Variants in GTF2E1 observed in about 807,000 individuals in gnomAD.
GTF2E1 encodes TFIIE alpha subunit.
In GTF2E1, 14 loss-of-function variants were observed where a neutral mutation model predicts 34.9. The observed-to-expected ratio is 0.40, with a 90% CI of 0.27 to 0.63. The LOEUF (loss-of-function observed/expected upper bound fraction) is 0.63, where lower values mean the gene tolerates loss of function less well. Among genes scored for constraint, GTF2E1 ranks in the 20% least tolerant of loss-of-function variants. The pLI is 0.39. For synonymous variants in GTF2E1, 188 were observed against 192.9 expected, an observed-to-expected ratio of 0.97 and a Z score of 0.21; for missense variants, 469 against 557.7, an observed-to-expected ratio of 0.84 and a Z score of 1.60.
Position 120,772,184 on chromosome 3 carries a change from G to T in GTF2E1, c.650+1255G>T, listed in dbSNP as rs112346056. 5.7e-3 allele frequency among the ~76,000 whole-genome samples: 864 copies of T among 152,206 alleles called. 12 individuals carry two copies. Among genetic ancestry groups the T allele is most frequent in the African/African-American group, 0.02 (832 of 41,538 alleles). On this transcript the variant is annotated intron_variant, in intron 3 of 4. Coordinates refer to ENST00000283875, the MANE Select transcript of GTF2E1 (RefSeq NM_005513.3). ...TGTCCTATTTTAAAACTGAAGAAAGGTTTCCCAGAGGGCTCCCTAGGATAC... is the reference window on the plus strand; with the variant it reads ...TGTCCTATTTTAAAACTGAAGAAAGTTTTCCCAGAGGGCTCCCTAGGATAC...
chr3:120,781,981 T>A lies in GTF2E1; in HGVS notation c.*511T>A, dbSNP rs1200138800. On this transcript the variant is annotated 3_prime_UTR_variant, in exon 5 of 5. Transcript: ENST00000283875. ...CACCCGCCTCGGCCTCCCAAAGTGC[T>A]GTATTTTCTTATCTGATTTTTTTCT... The A allele has an allele frequency of 3.3e-5, 5 of 153,684 alleles. No homozygotes were observed. Among genetic ancestry groups the A allele is most frequent in the Admixed American group, 3.2e-4 (5 of 15,598 alleles). 9.5% of individuals were successfully genotyped at this position (153,684 alleles called of 1,614,324 possible). A position where few individuals can be genotyped will look rare whatever the true frequency, so the allele number is the denominator to read the frequency against.
intron 1 of GTF2E1, among the ~76,000 whole-genome samples, chr3:120,743,750 C>T (rs1709079049): frequency 6.6e-6 from 1 of 152,132 alleles, no homozygotes; most frequent in Admixed American, 6.5e-5. Flanking sequence ...TGTGCAAAGC[C>T]TTGGGATGCA....
At position 120,776,674 on chromosome 3, in the gene GTF2E1, G is replaced by C; in HGVS notation, c.892+10G>C. 4 of 1,608,556 alleles carry C rather than the reference G, an allele frequency of 2.5e-6. No homozygotes were observed. The highest frequency in any genetic ancestry group is 3.4e-6 in the Non-Finnish European group (4 of 1,177,820). On this transcript the variant is annotated intron_variant, in intron 4 of 4. Coordinates refer to ENST00000283875, the MANE Select transcript of GTF2E1 (RefSeq NM_005513.3). ...GAAGATATGAAAGAAGGTAAGAGTA[G>C]AAGTCAGTAAAATGGATGTGTCTTA... is the stretch of plus-strand genomic sequence containing the variant.
chr3:120,756,457 G>GT, intron 2 of GTF2E1, among the ~76,000 whole-genome samples: 1 of 150,514 alleles, frequency 6.6e-6, no homozygotes. Flanking sequence ...GGATTGGGGA[G>GT]TGGGGGGAGT....
At chr3:120,752,931 T>C (rs539021253) in intron 2 of GTF2E1, among the ~76,000 whole-genome samples, 9 of 152,296 alleles carry the variant, frequency 5.9e-5, no homozygotes, top group African/African-American at 1.9e-4. Context: ...TTGGCAGTTA[T>C]GTCCTACAGT....
rs1267531333 is a variant in GTF2E1, at chr3:120,782,110, C to G, written c.*640C>G. 6.6e-6 allele frequency: 1 copy of G among 152,180 alleles called. No individual in the cohort carries two copies. Among genetic ancestry groups the G allele is most frequent in the South Asian group, 2.1e-4 (1 of 4,836 alleles). 9.4% of individuals were successfully genotyped at this position (152,180 alleles called of 1,614,324 possible). ...TTTACTACAATAGGTTACAATAATT[C>G]ACTGATCACATCCATTTTATCTGTT... On this transcript the variant is annotated 3_prime_UTR_variant, in exon 5 of 5. Coordinates refer to ENST00000283875, the MANE Select transcript of GTF2E1 (RefSeq NM_005513.3).
intron 3 of GTF2E1, among the ~76,000 whole-genome samples, chr3:120,775,860 A>T (rs1709394382): frequency 6.6e-6 from 1 of 152,196 alleles, no homozygotes; most frequent in Admixed American, 6.5e-5. Flanking sequence ...GCAGAGGGTT[A>T]TACCTTACTG....
chr3:120,753,450 G>A (rs1440067038), intron 2 of GTF2E1, among the ~76,000 whole-genome samples: 1 of 152,176 alleles, frequency 6.6e-6, no homozygotes, highest in Non-Finnish European at 1.5e-5. Flanking sequence ...AGTGATGGAA[G>A]TATTTAATGG....
chr3:120,751,805 T>C (rs1709166892), intron 2 of GTF2E1, among the ~76,000 whole-genome samples: 1 of 152,160 alleles, frequency 6.6e-6, no homozygotes, highest in African/African-American at 2.4e-5. Context: ...ATAGAAGGAC[T>C]CAGTGCTATT....
At chr3:120,754,040 A>G (rs1709188291) in intron 2 of GTF2E1, among the ~76,000 whole-genome samples, 1 of 152,214 alleles carries the variant, frequency 6.6e-6, no homozygotes, top group Admixed American at 6.5e-5. Flanking sequence ...CTTGTGTTTC[A>G]TAAATGCATG....
Position 120,770,725 on chromosome 3 carries a change from T to C in GTF2E1, c.449-3T>C. On this transcript the variant is annotated splice_region_variant and splice_polypyrimidine_tract_variant and intron_variant, in intron 2 of 4. Transcript: ENST00000283875. ...TGACCTGAGATACTTGTTTTCTCTG[T>C]AGGAACTTTCCGCTGTACTTTTTGC... is the stretch of plus-strand genomic sequence containing the variant. The C allele has an allele frequency of 6.2e-7, 1 of 1,611,238 alleles. No individual in the cohort carries two copies. The highest frequency in any genetic ancestry group is 1.7e-4 in the Middle Eastern group (1 of 6,048).
chr3:120,780,268 TG>T (rs1182553394), intron 4 of GTF2E1, among the ~76,000 whole-genome samples: 2 of 152,172 alleles, frequency 1.3e-5, no homozygotes, highest in African/African-American at 2.4e-5. Flanking sequence ...AGACAATAGA[TG>T]TAAGTTATTC....
intron 1 of GTF2E1, among the ~76,000 whole-genome samples, chr3:120,748,404 A>C (rs1709128412): frequency 6.6e-6 from 1 of 152,096 alleles, no homozygotes; most frequent in Non-Finnish European, 1.5e-5. Context: ...TAAGTCTTTA[A>C]CCCGTCTTGA....
chr3:120,750,611 A>G lies in GTF2E1; in HGVS notation c.59A>G (p.Tyr20Cys), dbSNP rs755826778. The change falls in exon 2 of 5, where the codon TAT (tyrosine) becomes TGT (cysteine). Residue 20 changes from tyrosine (Y) to cysteine (C), a missense_variant. Physicochemically the swap from Tyr to Cys is radical, Grantham distance 194. Coordinates refer to ENST00000283875, the MANE Select transcript of GTF2E1 (RefSeq NM_005513.3). ...VPAALKRLAK[Y>C]VIRGFYGIEH... Reference sequence around the variant, plus strand: ...GCAGCATTGAAGCGGTTAGCCAAGTATGTGATCCGGGGATTTTATGGCATT... The same window carrying G: ...GCAGCATTGAAGCGGTTAGCCAAGTGTGTGATCCGGGGATTTTATGGCATT... 5 of 1,613,920 alleles carry G rather than the reference A, an allele frequency of 3.1e-6. No individual in the cohort carries two copies. Among genetic ancestry groups the G allele is most frequent in the Non-Finnish European group, 4.2e-6 (5 of 1,179,944 alleles).
intron 1 of GTF2E1, among the ~76,000 whole-genome samples, chr3:120,749,418 G>A (rs900383922): frequency 8.5e-5 from 13 of 152,130 alleles, no homozygotes; most frequent in Non-Finnish European, 1.6e-4. Context: ...ATTATTTTGA[G>A]ATACGTCCCA....
Position 120,770,742 on chromosome 3 carries a change from ACTTTTTGC to A in GTF2E1, c.465_472del (p.Phe156TyrfsTer7), listed in dbSNP as rs1349158118. 1.2e-6 allele frequency: 2 copies of A among 1,613,054 alleles called. No individual in the cohort carries two copies. The highest frequency in any genetic ancestry group is 1.3e-5 in the African/African-American group (1 of 74,876). On this transcript the variant is annotated frameshift_variant, in exon 3 of 5. Coordinates refer to ENST00000283875, the MANE Select transcript of GTF2E1 (RefSeq NM_005513.3). LOFTEE classifies it high-confidence loss of function. ...TTTCTCTGTAGGAACTTTCCGCTGT[ACTTTTTGC>A]CATACAGAGGTAGAAGAGGATGAAT...
intron 1 of GTF2E1, among the ~76,000 whole-genome samples, chr3:120,748,591 T>G (rs1709131168): frequency 6.6e-6 from 1 of 152,170 alleles, no homozygotes. Context: ...GAGGGCTCTG[T>G]TGTGTTCCAT....
intron 2 of GTF2E1, among the ~76,000 whole-genome samples, chr3:120,754,298 A>C (rs1709190339): frequency 6.6e-6 from 1 of 152,178 alleles, no homozygotes; most frequent in African/African-American, 2.4e-5. Flanking sequence ...TGCCAGAGAC[A>C]AATTTGAAGA....
intron 2 of GTF2E1, among the ~76,000 whole-genome samples, chr3:120,755,418 G>T (rs1709200010): frequency 6.6e-6 from 1 of 151,962 alleles, no homozygotes; most frequent in African/African-American, 2.4e-5. Context: ...GCCTTCATAG[G>T]GCAGGCTGCT....
Sources: allele counts gnomAD v4.1 joint callset (sites outside exome capture counted in the v4.1 genomes callset), GRCh38; gene constraint gnomAD v4.1.1; transcripts MANE v1.5; gene names NCBI Gene and HGNC (gene_info 2026-07-23, HGNC 2026-07-21).